ZFHX3: variants seen among roughly 807,000 people sequenced by gnomAD.
ZFHX3 encodes the protein zinc finger homeobox 3.
A neutral mutation model predicts 279.1 loss-of-function variants in ZFHX3; 42 were observed. The observed-to-expected ratio is 0.15, with a 90% CI of 0.12 to 0.19. The LOEUF (loss-of-function observed/expected upper bound fraction) is 0.19. Ranked by LOEUF, ZFHX3 falls within the 10% of genes least tolerant of loss-of-function variation. The pLI, the probability that ZFHX3 is intolerant of heterozygous loss-of-function variation, is 1.00. For missense variants in ZFHX3, 4,981 were observed against 4,754.0 expected, an observed-to-expected ratio of 1.05 and a Z score of -1.40; for synonymous variants, 2,293 against 1,957.8, an observed-to-expected ratio of 1.17 and a Z score of -4.52.
At chr16:73,811,967 C>A (rs1259138935) in intron 1 of ZFHX3, among the ~76,000 whole-genome samples, 2 of 152,164 alleles carry the variant, frequency 1.3e-5, no homozygotes, top group Admixed American at 1.3e-4. Context: ...ATCTTTGCAA[C>A]AATTCTCTTA....
chr16:73,678,207 G>T (rs2052974089), intron 2 of ZFHX3, among the ~76,000 whole-genome samples: 1 of 152,082 alleles, frequency 6.6e-6, no homozygotes, highest in South Asian at 2.1e-4. Context: ...ACAGGAATGA[G>T]TAAAACTTTT....
At chr16:73,495,323 C>T (rs2019124548) in intron 2 of ZFHX3, among the ~76,000 whole-genome samples, 1 of 152,152 alleles carries the variant, frequency 6.6e-6, no homozygotes. Flanking sequence ...CCTCTGCCAG[C>T]CAAGTGAACT....
At chr16:73,026,192 CAAAAAAAAAAAAA>C (rs60146795) in intron 1 of ZFHX3, among the ~76,000 whole-genome samples, 22 of 47,486 alleles carry the variant, frequency 4.6e-4, no homozygotes, top group East Asian at 2.9e-3. Context: ...ACAAAAAATA[CAAAAAAAAAAAAA>C]AAAAAAAAAA....
chr16:73,250,735 C>T (rs1597243529), intron 5 of ZFHX3, among the ~76,000 whole-genome samples: 1 of 152,006 alleles, frequency 6.6e-6, no homozygotes, highest in South Asian at 2.1e-4. Context: ...GGGGTTTCAC[C>T]GCGTTAGCCA....
intron 4 of ZFHX3, among the ~76,000 whole-genome samples, chr16:73,284,490 C>T (rs760863698): frequency 1.1e-4 from 17 of 151,994 alleles, no homozygotes; most frequent in Admixed American, 5.2e-4. Flanking sequence ...AAAATGGACT[C>T]ATATTGAATA....
At chr16:73,682,942 GA>G (rs1242712738) in intron 1 of ZFHX3, among the ~76,000 whole-genome samples, 1 of 16,466 alleles carries the variant, frequency 6.1e-5, no homozygotes. Flanking sequence ...AAGAAAGAAA[GA>G]AAGAAAGAAA....
chr16:73,386,200 G>GTCTC (rs1365671780), intron 3 of ZFHX3, among the ~76,000 whole-genome samples: 3 of 151,196 alleles, frequency 2.0e-5, no homozygotes, highest in Non-Finnish European at 3.0e-5. Flanking sequence ...CACCGTCTCT[G>GTCTC]TCTCTCTCTC....
chr16:72,803,374 A>T (rs2036169475), intron 7 of ZFHX3, among the ~76,000 whole-genome samples: 1 of 152,182 alleles, frequency 6.6e-6, no homozygotes, highest in Non-Finnish European at 1.5e-5. Flanking sequence ...TGCTGAGCAC[A>T]GGTAAAGACC....
chr16:73,169,212 T>A (rs1302893109), intron 5 of ZFHX3, among the ~76,000 whole-genome samples: 1 of 152,166 alleles, frequency 6.6e-6, no homozygotes, highest in Non-Finnish European at 1.5e-5. Context: ...GATTACATGG[T>A]AACAATGCCT....
intron 3 of ZFHX3, among the ~76,000 whole-genome samples, chr16:73,394,488 G>A (rs1473371131): frequency 1.3e-5 from 2 of 151,810 alleles, no homozygotes; most frequent in Non-Finnish European, 2.9e-5. Flanking sequence ...GTAGAGATGG[G>A]GTATCATCAT....
intron 3 of ZFHX3, among the ~76,000 whole-genome samples, chr16:72,918,421 AT>A (rs1276858764): frequency 2.6e-5 from 4 of 152,232 alleles, no homozygotes; most frequent in African/African-American, 9.6e-5. Context: ...GATGGAAAAA[AT>A]AGTGACATTC....
chr16:73,132,356 C>T (rs1282874757), intron 6 of ZFHX3, among the ~76,000 whole-genome samples: 1 of 152,086 alleles, frequency 6.6e-6, no homozygotes, highest in African/African-American at 2.4e-5. Context: ...AAACTTGTGC[C>T]TCCCTGGAGA....
intron 2 of ZFHX3, among the ~76,000 whole-genome samples, chr16:73,543,240 C>A (rs2020049123): frequency 2.0e-5 from 3 of 152,218 alleles, no homozygotes; most frequent in Non-Finnish European, 2.9e-5. Flanking sequence ...ACAAGTCTAT[C>A]CCTCAGGATG....
intron 1 of ZFHX3, among the ~76,000 whole-genome samples, chr16:72,967,726 C>T (rs968706307): frequency 1.3e-5 from 2 of 148,836 alleles, no homozygotes; most frequent in Non-Finnish European, 3.0e-5. Flanking sequence ...ACCATCCTGG[C>T]TAACACGGTG....
intron 4 of ZFHX3, among the ~76,000 whole-genome samples, chr16:73,272,407 A>G (rs1028305908): frequency 3.9e-5 from 6 of 152,212 alleles, no homozygotes; most frequent in East Asian, 1.9e-4. Flanking sequence ...CTCAATCTGT[A>G]TTGGTTAAGT....
intron 5 of ZFHX3, among the ~76,000 whole-genome samples, chr16:73,154,023 C>A (rs931835745): frequency 6.6e-6 from 1 of 152,140 alleles, no homozygotes; most frequent in Non-Finnish European, 1.5e-5. Context: ...GCATTCTTAA[C>A]CCCAAATCAC....
intron 5 of ZFHX3, among the ~76,000 whole-genome samples, chr16:73,218,055 C>T (rs1297588535): frequency 6.6e-6 from 1 of 152,110 alleles, no homozygotes; most frequent in African/African-American, 2.4e-5. Flanking sequence ...GTCACTCCAT[C>T]CTCTCCCTCC....
intron 1 of ZFHX3, among the ~76,000 whole-genome samples, chr16:73,831,993 C>T (rs1370245279): frequency 2.0e-5 from 3 of 152,170 alleles, no homozygotes; most frequent in Admixed American, 6.5e-5. Flanking sequence ...CTCTGCCGCC[C>T]GGGTTCCAGG....
chr16:72,951,550 C>G (rs1473437250), intron 2 of ZFHX3, among the ~76,000 whole-genome samples: 3 of 152,216 alleles, frequency 2.0e-5, no homozygotes, highest in African/African-American at 7.2e-5. Context: ...GCATGAGCCA[C>G]CGCGCCCAGC....
Sources: gnomAD v4.1 joint callset for allele counts (sites outside exome capture counted in the v4.1 genomes callset) on GRCh38, gnomAD v4.1.1 for gene constraint, MANE v1.5 for transcripts, NCBI Gene and HGNC (gene_info 2026-07-23, HGNC 2026-07-21) for gene names.